OCA2: variants seen among roughly 807,000 people sequenced by gnomAD.
The protein encoded by OCA2 is P protein.
A neutral mutation model predicts 100.2 loss-of-function variants in OCA2; 77 were observed. The ratio of observed to expected loss-of-function variants is 0.77; its 90% CI spans 0.64 to 0.93. OCA2 has a LOEUF of 0.93. Ranked by LOEUF, OCA2 falls within the 40% of genes least tolerant of loss-of-function variation. The pLI, the probability that OCA2 is intolerant of heterozygous loss-of-function variation, is 0.00. For synonymous variants in OCA2, 432 were observed against 439.2 expected (o/e 0.98, Z 0.21); for missense variants, 1,062 against 1,089.1 (o/e 0.98, Z 0.35).
chr15:27,977,982 G>A (rs1189465978), intron 14 of OCA2, among the ~76,000 whole-genome samples: 5 of 152,150 alleles, frequency 3.3e-5, no homozygotes, highest in Admixed American at 6.5e-5. Flanking sequence ...CCAGTCTATG[G>A]TATTTGGTTA....
chr15:28,023,973 GAC>G (rs984775984), intron 5 of OCA2, among the ~76,000 whole-genome samples: 65 of 152,196 alleles, frequency 4.3e-4, no homozygotes, highest in African/African-American at 1.4e-3. Flanking sequence ...CACACACACA[GAC>G]ACACAACCAG....
At chr15:28,074,003 GAC>G (rs10534274) in intron 2 of OCA2, among the ~76,000 whole-genome samples, 49,756 of 145,864 alleles carry the variant, frequency 0.34, 10,201 homozygotes, top group East Asian at 0.87. Context: ...ATGACAGACA[GAC>G]ACACACACAC....
chr15:27,990,715 G>A (rs1325154654), intron 9 of OCA2, 68 bp from the exon 10 acceptor site: 48 of 1,330,610 alleles, frequency 3.6e-5, no homozygotes, highest in Admixed American at 8.4e-5. Context: ...GAAAGCCTGT[G>A]TGGACATGAG....
At chr15:27,751,707 G>GAC, downstream of OCA2, among the ~76,000 whole-genome samples, 1 of 152,338 alleles carries the variant, frequency 6.6e-6, no homozygotes, top group East Asian at 1.9e-4. Context: ...CCCAAGGGCA[G>GAC]ACACACACAC....
intron 4 of OCA2, among the ~76,000 whole-genome samples, chr15:28,026,744 G>T (rs1038515900): frequency 1.3e-5 from 2 of 152,122 alleles, no homozygotes; most frequent in Non-Finnish European, 2.9e-5. Context: ...GGGCCTCTTC[G>T]CACCCCGGGA....
At chr15:28,054,596 C>T (rs914860377) in intron 2 of OCA2, among the ~76,000 whole-genome samples, 3 of 152,144 alleles carry the variant, frequency 2.0e-5, no homozygotes, top group Non-Finnish European at 4.4e-5. Context: ...CATAGAGATA[C>T]CCCTCTCCCA....
chr15:27,896,778 T>C (rs1046983076), intron 19 of OCA2, among the ~76,000 whole-genome samples: 1 of 152,104 alleles, frequency 6.6e-6, no homozygotes, highest in Non-Finnish European at 1.5e-5. Context: ...TGCAATAGAA[T>C]AGAAAATCTC....
At position 27,849,267 on chromosome 15, in the gene OCA2, T is replaced by C. The variant is rs574985601; in HGVS notation, c.2338+2115A>G. On this transcript the variant is annotated intron_variant, in intron 22 of 23. Coordinates refer to ENST00000354638, the MANE Select transcript of OCA2 (RefSeq NM_000275.3). The stretch of plus-strand genomic sequence containing the variant: ...ACACAGCCACGTGCTGCCTGAGTTG[T>C]TGAGAAAATAGTCACATGCTGCCTG... Among the ~76,000 whole-genome samples the C allele has an allele frequency of 8.6e-5, 13 of 151,356 alleles. No individual in the cohort carries two copies. The South Asian group carries it at 2.5e-3, about 29-fold the overall frequency.
In OCA2 at chr15:27,993,582, C is replaced by G. The variant is rs78926045; in HGVS notation, c.1045-2935G>C. On this transcript the variant is annotated intron_variant, in intron 9 of 23. Transcript: ENST00000354638. The stretch of plus-strand genomic sequence containing the variant: ...AACGACAAGGCAGACAGCCATGGCC[C>G]TCTCAGGACAGCTGGGCTCATCGTG... Among the ~76,000 whole-genome samples the G allele has an allele frequency of 8.0e-3, 1,222 of 152,310 alleles. 26 individuals carry two copies. The highest frequency in any genetic ancestry group is 0.027 in the African/African-American group (1,135 of 41,562).
intron 23 of OCA2, among the ~76,000 whole-genome samples, chr15:27,768,250 G>GA (rs1166147039): frequency 3.3e-5 from 5 of 152,162 alleles, no homozygotes; most frequent in African/African-American, 1.2e-4. Context: ...TGGAAGTCAT[G>GA]AAAAAAATTC....
chr15:27,993,232 G>C (rs902687518), intron 9 of OCA2, among the ~76,000 whole-genome samples: 4 of 152,108 alleles, frequency 2.6e-5, no homozygotes, highest in Non-Finnish European at 5.9e-5. Context: ...TGTGCACCCG[G>C]CCCTGGATTA....
At chr15:27,859,215 G>A (rs888608779) in intron 21 of OCA2, among the ~76,000 whole-genome samples, 12 of 151,966 alleles carry the variant, frequency 7.9e-5, no homozygotes, top group African/African-American at 2.9e-4. Flanking sequence ...AAAAAATAGA[G>A]AAAGTCAATA....
chr15:27,833,780 G>A (rs530347995), intron 23 of OCA2, among the ~76,000 whole-genome samples: 38 of 152,214 alleles, frequency 2.5e-4, no homozygotes, highest in African/African-American at 7.5e-4. Context: ...TAGTCTAAGC[G>A]TATAAAGAAA....
chr15:28,072,406 G>A (rs1038490181), intron 2 of OCA2, among the ~76,000 whole-genome samples: 6 of 152,056 alleles, frequency 3.9e-5, no homozygotes, highest in African/African-American at 9.7e-5. Context: ...TGGCTAACAC[G>A]GTGAAACCCC....
Position 27,912,515 on chromosome 15 carries a change from A to G in OCA2, c.2079+13612T>C, listed in dbSNP as rs899001711. On this transcript the variant is annotated intron_variant, in intron 19 of 23. Transcript: ENST00000354638. ...TCAAAACTGGAATAATCTGAGCAACAAAATAAATAACAATAGTACCGACTT... is the reference window on the plus strand; with the variant it reads ...TCAAAACTGGAATAATCTGAGCAACGAAATAAATAACAATAGTACCGACTT... Among the ~76,000 whole-genome samples, 6 of 152,238 alleles carry G rather than the reference A, an allele frequency of 3.9e-5. No homozygotes were observed. In the South Asian group the frequency reaches 1.2e-3, roughly 32 times the overall value.
chr15:27,885,609 C>T (rs747670360), intron 19 of OCA2, among the ~76,000 whole-genome samples: 1 of 152,260 alleles, frequency 6.6e-6, no homozygotes, highest in Non-Finnish European at 1.5e-5. Flanking sequence ...ACTCTCCTCA[C>T]AGAACCTGTG....
At chr15:28,069,655 C>T (rs1035642649) in intron 2 of OCA2, among the ~76,000 whole-genome samples, 18 of 146,450 alleles carry the variant, frequency 1.2e-4, no homozygotes, top group Non-Finnish European at 2.4e-4. Flanking sequence ...CTGCCAACCT[C>T]GGCCTCCCGA....
At position 27,997,764 on chromosome 15, in the gene OCA2, T is replaced by G. The variant is rs1450984915; in HGVS notation, c.1045-7117A>C. ...ATGGCATTGAATCTATAAATTACCT[T>G]GGGCAGTATGGCCATTTTCACGATA... On this transcript the variant is annotated intron_variant, in intron 9 of 23. Coordinates refer to ENST00000354638, the MANE Select transcript of OCA2 (RefSeq NM_000275.3). 8.0e-5 allele frequency among the ~76,000 whole-genome samples: 10 copies of G among 125,564 alleles called. No homozygotes were observed. In the Admixed American group the frequency reaches 8.1e-4, roughly 10 times the overall value. 82.4% of individuals were successfully genotyped at this position (125,564 alleles called of 152,430 possible).
intron 21 of OCA2, among the ~76,000 whole-genome samples, chr15:27,856,096 T>C (rs2151431175): frequency 6.6e-6 from 1 of 152,324 alleles, no homozygotes; most frequent in South Asian, 2.1e-4. Flanking sequence ...CATCCTTGGC[T>C]TGTGGGTGCA....
Sources: gnomAD v4.1 joint callset for allele counts (sites outside exome capture counted in the v4.1 genomes callset) on GRCh38, gnomAD v4.1.1 for gene constraint, MANE v1.5 for transcripts, NCBI Gene and HGNC (gene_info 2026-07-23, HGNC 2026-07-21) for gene names.